Variants in SECISBP2 observed in about 807,000 individuals in gnomAD.
SECISBP2 encodes SECIS binding protein 2.
Under a neutral mutation model 98.2 loss-of-function variants are expected in SECISBP2, and 96 were observed. That is an observed-to-expected ratio of 0.98 (90% CI 0.83 to 1.16). The LOEUF (loss-of-function observed/expected upper bound fraction) is 1.16. Ranked by LOEUF, SECISBP2 falls within the 50% of genes most tolerant of loss-of-function variation. The pLI is 0.00. For synonymous variants in SECISBP2, 407 were observed against 370.2 expected, an observed-to-expected ratio of 1.10 and a Z score of -1.14; for missense variants, 1,046 against 1,022.9, an observed-to-expected ratio of 1.02 and a Z score of -0.31.
intron 14 of SECISBP2, chr9:89,355,103 A>G: frequency 1.0e-6 from 1 of 985,410 alleles, no homozygotes; most frequent in Non-Finnish European, 1.2e-6. Context: ...TTAATCTCCT[A>G]TCCAACTAGA....
chr9:89,333,804 C>G (rs750327631), intron 6 of SECISBP2, among the ~76,000 whole-genome samples: 2 of 152,240 alleles, frequency 1.3e-5, no homozygotes, highest in Non-Finnish European at 2.9e-5. Flanking sequence ...GACATTTTTA[C>G]AAAATGATTC....
At chr9:89,355,367 C>T (rs1303029722) in intron 14 of SECISBP2, 6 of 985,322 alleles carry the variant, frequency 6.1e-6, no homozygotes, top group Non-Finnish European at 7.2e-6. Flanking sequence ...ACTGTGTTCC[C>T]TCCCAGGGTG....
Position 89,328,776 on chromosome 9 carries a change from A to T in SECISBP2, c.691A>T (p.Asn231Tyr). ...LDFPELQGAE[N>Y]NMSEIQKQPK... is the part of the protein sequence containing the mutation. ...CTTTCCTGAACTGCAAGGTGCAGAGAACAATATGTCAGAGATACAGAAGCA... is the reference window on the plus strand; with the variant it reads ...CTTTCCTGAACTGCAAGGTGCAGAGTACAATATGTCAGAGATACAGAAGCA... Residue 231 changes from asparagine (N) to tyrosine (Y), a missense_variant, in exon 5 of 17, where the codon AAC becomes TAC. Transcript: ENST00000375807. 1 of 1,614,214 alleles carries T rather than the reference A, an allele frequency of 6.2e-7. No homozygotes were observed. Among genetic ancestry groups the T allele is most frequent in the Non-Finnish European group, 8.5e-7 (1 of 1,180,002 alleles).
chr9:89,326,348 G>A (rs755640653), intron 4 of SECISBP2, among the ~76,000 whole-genome samples: 27 of 152,270 alleles, frequency 1.8e-4, no homozygotes, highest in African/African-American at 3.4e-4. Context: ...TACAAGGGAC[G>A]TTTATTAACT....
intron 14 of SECISBP2, among the ~76,000 whole-genome samples, chr9:89,353,550 G>A (rs930298806): frequency 1.2e-4 from 19 of 152,196 alleles, no homozygotes; most frequent in Non-Finnish European, 2.5e-4. Flanking sequence ...GCCTCACCCT[G>A]TGCTGCCTAT....
In SECISBP2 at chr9:89,349,801, C is replaced by A. The variant is rs755582954; in HGVS notation, c.1764C>A (p.Ile588=). 1 of 1,614,200 alleles carries A rather than the reference C, an allele frequency of 6.2e-7. No individual in the cohort carries two copies. The highest frequency in any genetic ancestry group is 8.5e-7 in the Non-Finnish European group (1 of 1,180,036). ...LSGPEGMDEL[I]STPSVEDKSE... ...GGCCAGAGGGGATGGACGAACTGAT[C>A]TCCACTCCTTCGGTTGAGGACAAGT... The change falls in exon 13 of 17, where the codon ATC becomes ATA. Residue 588 remains isoleucine, a synonymous_variant. Coordinates refer to ENST00000375807, the MANE Select transcript of SECISBP2 (RefSeq NM_024077.5).
chr9:89,324,964 G>A (rs970582860), intron 2 of SECISBP2: 1 of 229,018 alleles, frequency 4.4e-6, no homozygotes, highest in Admixed American at 5.2e-5. Flanking sequence ...TTTGCGCTCT[G>A]ACCCTGTTAG....
chr9:89,318,518 CG>C lies in SECISBP2; in HGVS notation c.-57del. ...CGGGGGCGGAAACGCTTTGTCTGTC[CG>C]GCAAGCCGACGGCCCGCTGCTGGCC... On this transcript the variant is annotated 5_prime_UTR_variant, in exon 1 of 17. Transcript: ENST00000375807. 6.7e-7 allele frequency: 1 copy of C among 1,502,734 alleles called. No individual in the cohort carries two copies. Among genetic ancestry groups the C allele is most frequent in the Admixed American group, 2.0e-5 (1 of 49,572 alleles). The allele number at this position is 1,502,734 out of a possible 1,614,324, so 93.1% of individuals were successfully genotyped here. A position where few individuals can be genotyped will look rare whatever the true frequency, so the allele number is the denominator to read the frequency against.
chr9:89,319,638 A>C lies in SECISBP2; in HGVS notation c.37-14A>C, dbSNP rs777066540. The C allele has an allele frequency of 6.2e-7, 1 of 1,614,068 alleles. No individual in the cohort carries two copies. The highest frequency in any genetic ancestry group is 1.1e-5 in the South Asian group (1 of 91,082). On this transcript the variant is annotated splice_polypyrimidine_tract_variant and intron_variant, in intron 1 of 16. Transcript: ENST00000375807. ...TCTGAATGTTTGTGGCCAAAACCTC[A>C]TATTTTTCCTCAGGGCATCAAGTTA...
chr9:89,348,320 T>C (rs756857042), intron 12 of SECISBP2, 106 bp downstream of exon 12: 21 of 1,324,634 alleles, frequency 1.6e-5, no homozygotes, highest in Non-Finnish European at 2.3e-5. Context: ...CTCCTCTTCC[T>C]TTTGTGGTGA....
chr9:89,362,062 A>G, downstream of SECISBP2: 1 of 474,396 alleles, frequency 2.1e-6, no homozygotes, highest in Non-Finnish European at 3.9e-6. Flanking sequence ...CTGACCGTAG[A>G]GGAGGAACCT....
At position 89,357,395 on chromosome 9, in the gene SECISBP2, A is replaced by C; in HGVS notation, c.2114-16A>C. ...GTGACATGTCTTCCTGTCATTTTTC[A>C]TTGTCCTTTGACCAGGTGGGCTGGA... On this transcript the variant is annotated splice_polypyrimidine_tract_variant and intron_variant, in intron 14 of 16. Transcript: ENST00000375807. 6.2e-7 allele frequency: 1 copy of C among 1,614,022 alleles called. No homozygotes were observed.
chr9:89,336,081 C>CTTTTTTTTTTTTTTTTTTTTT lies in SECISBP2; in HGVS notation c.1089+1358_1089+1378dup, dbSNP rs59799418. Among the ~76,000 whole-genome samples, 21 of 33,058 alleles carry CTTTTTTTTTTTTTTTTTTTTT rather than the reference C, an allele frequency of 6.4e-4. 3 individuals are homozygous for CTTTTTTTTTTTTTTTTTTTTT. Among genetic ancestry groups the CTTTTTTTTTTTTTTTTTTTTT allele is most frequent in the African/African-American group, 1.3e-3 (11 of 8,362 alleles). 21.7% of individuals were successfully genotyped at this position (33,058 alleles called of 152,430 possible). ...TTTTTCCCTTAAGTAATTTTAAGTG[C>CTTTTTTTTTTTTTTTTTTTTT]TTTTTTTTTTTTTTTTTTTTTTTTT... On this transcript the variant is annotated intron_variant, in intron 7 of 16. Coordinates refer to ENST00000375807, the MANE Select transcript of SECISBP2 (RefSeq NM_024077.5).
At position 89,338,392 on chromosome 9, in the gene SECISBP2, C is replaced by T. The variant is rs140603558; in HGVS notation, c.1090-66C>T. The T allele has an allele frequency of 1.5e-3, 2,271 of 1,552,420 alleles. 31 individuals carry two copies. In the African/African-American group the frequency reaches 0.028, roughly 19 times the overall value. Reference sequence around the variant, plus strand: ...ACTTGATATCTTAATTTTGTTGATACATAGTATTAAACATTCTATTGACCG... The same window carrying T: ...ACTTGATATCTTAATTTTGTTGATATATAGTATTAAACATTCTATTGACCG... On this transcript the variant is annotated intron_variant, in intron 7 of 16. Transcript: ENST00000375807.
intron 12 of SECISBP2, among the ~76,000 whole-genome samples, chr9:89,349,125 A>G (rs1339855095): frequency 6.6e-6 from 1 of 152,324 alleles, no homozygotes; most frequent in East Asian, 1.9e-4. Context: ...CATCTCTACC[A>G]GCCCACGGGG....
chr9:89,354,352 A>AGAG (rs1182569722), intron 14 of SECISBP2, among the ~76,000 whole-genome samples: 1 of 152,238 alleles, frequency 6.6e-6, no homozygotes, highest in East Asian at 1.9e-4. Context: ...AGCAAAGCGA[A>AGAG]GAGGCACATG....
At chr9:89,344,748 T>G (rs551861231) in intron 10 of SECISBP2, among the ~76,000 whole-genome samples, 1 of 152,358 alleles carries the variant, frequency 6.6e-6, no homozygotes, top group South Asian at 2.1e-4. Flanking sequence ...CATGTTAGTT[T>G]ATATATTGAA....
At chr9:89,366,641 CAT>C in the SECISBP2 span, among the ~76,000 whole-genome samples, 11 of 152,336 alleles carry the variant, frequency 7.2e-5, no homozygotes, top group Non-Finnish European at 1.3e-4. Context: ...GATGTACAAA[CAT>C]ATGTCTCTAT....
the SECISBP2 span, chr9:89,365,484 T>C: frequency 6.6e-6 from 1 of 152,380 alleles, no homozygotes; most frequent in Non-Finnish European, 1.5e-5. Flanking sequence ...CCTAGACCAG[T>C]GCCGGCCATG....
Sources: allele counts gnomAD v4.1 joint callset (sites outside exome capture counted in the v4.1 genomes callset), GRCh38; gene constraint gnomAD v4.1.1; transcripts MANE v1.5; gene names NCBI Gene and HGNC (gene_info 2026-07-23, HGNC 2026-07-21).